NACC2: variants seen among roughly 807,000 people sequenced by gnomAD.
NACC2 encodes nucleus accumbens-associated protein 2.
Under a neutral mutation model 25.1 loss-of-function variants are expected in NACC2, and 8 were observed. The observed-to-expected ratio is 0.32, with a 90% confidence interval of 0.19 to 0.57. NACC2 has a LOEUF of 0.57. NACC2 is among the 20% of genes least tolerant of loss of function. The probability of loss-of-function intolerance (pLI) is 0.89; values close to 1 mark genes in which losing one functional copy is unlikely to be tolerated. For missense variants in NACC2, 644 were observed against 650.2 expected (o/e 0.99, Z 0.10); for synonymous variants, 435 against 294.7 (o/e 1.48, Z -4.88).
intron 2 of NACC2, among the ~76,000 whole-genome samples, chr9:136,023,792 C>T (rs557658517): frequency 1.3e-5 from 2 of 152,374 alleles, no homozygotes; most frequent in African/African-American, 4.8e-5. Context: ...TATCACAGCA[C>T]ATGGCACGGG....
At chr9:136,056,450 G>A (rs1032020094) in intron 1 of NACC2, among the ~76,000 whole-genome samples, 9 of 152,334 alleles carry the variant, frequency 5.9e-5, no homozygotes, top group African/African-American at 1.7e-4. Context: ...GGGAGGCAGC[G>A]GGGCCAGGCC....
intron 2 of NACC2, among the ~76,000 whole-genome samples, chr9:136,030,168 C>G (rs1247860914): frequency 1.3e-5 from 2 of 152,164 alleles, no homozygotes; most frequent in African/African-American, 4.8e-5. Context: ...AGACACCACA[C>G]CCAGCCCTTC....
chr9:136,077,228 G>C (rs1211448005), intron 1 of NACC2, among the ~76,000 whole-genome samples: 1 of 151,962 alleles, frequency 6.6e-6, no homozygotes, highest in East Asian at 1.9e-4. Flanking sequence ...CCACTTGGGA[G>C]GCTGAGGCAG....
intron 2 of NACC2, among the ~76,000 whole-genome samples, chr9:136,041,095 A>AAAGGAAAGCAAGG (rs1554738674): frequency 6.8e-6 from 1 of 146,460 alleles, no homozygotes; most frequent in East Asian, 2.0e-4. Flanking sequence ...GAAGCAAAGG[A>AAAGGAAAGCAAGG]AAGGAAAGGA....
intron 2 of NACC2, among the ~76,000 whole-genome samples, chr9:136,033,199 A>G (rs965997079): frequency 1.1e-4 from 17 of 152,016 alleles, no homozygotes; most frequent in Non-Finnish European, 2.2e-4. Context: ...AATAAAATAA[A>G]ATAAAATTCA....
At position 136,042,895 on chromosome 9, in the gene NACC2, C is replaced by G. The variant is rs1368961338; in HGVS notation, c.886+6741G>C. On this transcript the variant is annotated intron_variant, in intron 2 of 5. Coordinates refer to ENST00000277554, the MANE Select transcript of NACC2 (RefSeq NM_144653.5). Reference sequence around the variant, plus strand: ...AAACAGACACACACACAGACACATACAGACACACACAGAGACACAGAGACA... The same window carrying G: ...AAACAGACACACACACAGACACATAGAGACACACACAGAGACACAGAGACA... Among the ~76,000 whole-genome samples the G allele has an allele frequency of 2.7e-5, 4 of 147,058 alleles. No homozygotes were observed. In the East Asian group the frequency reaches 8.0e-4, roughly 29 times the overall value.
rs978723036 is a variant in NACC2 at position 136,016,518 on chromosome 9, G to T, written c.887-89C>A. The T allele has an allele frequency of 3.3e-6, 5 of 1,516,184 alleles. No homozygotes were observed. In the Admixed American group the frequency reaches 5.3e-5, roughly 16 times the overall value. The allele number at this position is 1,516,184 out of a possible 1,614,324, so 93.9% of individuals were successfully genotyped here. On this transcript the variant is annotated intron_variant, in intron 2 of 5. Transcript: ENST00000277554. ...CCGCCTGCCCTCCATGCTCCCTGGG[G>T]CCTGTGTTAGACCCACTCTGCCCAC...
At chr9:136,047,700 C>T (rs1378756554) in intron 2 of NACC2, among the ~76,000 whole-genome samples, 1 of 152,190 alleles carries the variant, frequency 6.6e-6, no homozygotes, top group African/African-American at 2.4e-5. Context: ...CCTCCCGTCC[C>T]CACCCAACAC....
At chr9:136,081,311 C>T (rs1037929052) in intron 1 of NACC2, among the ~76,000 whole-genome samples, 5 of 152,126 alleles carry the variant, frequency 3.3e-5, no homozygotes, top group Non-Finnish European at 5.9e-5. Flanking sequence ...GTAACCGGAA[C>T]GACCTGCACA....
rs777924546 is a variant in NACC2 at position 136,011,806 on chromosome 9, C to T, written c.1474G>A (p.Glu492Lys). 55 of 1,580,850 alleles carry T rather than the reference C, an allele frequency of 3.5e-5. No homozygotes were observed. Among genetic ancestry groups the T allele is most frequent in the South Asian group, 4.6e-5 (4 of 87,664 alleles). Reference sequence around the variant, plus strand: ...CGCCGCTCGGCGTAGATGCGTTGCTCGAACACCTGTGCCGCGGCAGGCGGG... The same window carrying T: ...CGCCGCTCGGCGTAGATGCGTTGCTTGAACACCTGTGCCGCGGCAGGCGGG... The part of the protein sequence containing the change: ...EFPPAAAQVF[E>K]QRIYAERRGD... Residue 492 changes from glutamate (E) to lysine (K), a missense_variant, in exon 6 of 6, where the codon GAG (glutamate) becomes AAG (lysine). Physicochemically the swap from Glu to Lys is moderately conservative, Grantham distance 56. Coordinates refer to ENST00000277554, the MANE Select transcript of NACC2 (RefSeq NM_144653.5).
chr9:136,013,177 C>CCCA lies in NACC2; in HGVS notation c.1255+21_1255+22insTGG. 1.0e-5 allele frequency: 15 copies of CCCA among 1,487,336 alleles called. No individual in the cohort carries two copies. The highest frequency in any genetic ancestry group is 1.3e-5 in the Non-Finnish European group (14 of 1,071,752). 92.1% of individuals were successfully genotyped at this position (1,487,336 alleles called of 1,614,324 possible). ...GAACCCAGCCCCGGCCCCACCCACC[C>CCCA]GAGAGACCCCCAGGCTCTTACATTT... is the stretch of plus-strand genomic sequence containing the variant. On this transcript the variant is annotated intron_variant, in intron 5 of 5. Transcript: ENST00000277554. The surrounding 1 kb of genome is among the most constrained non-coding windows in gnomAD (Gnocchi z 6.6).
intron 2 of NACC2, among the ~76,000 whole-genome samples, chr9:136,031,676 AAC>A (rs1206760347): frequency 6.6e-6 from 1 of 152,212 alleles, no homozygotes; most frequent in Non-Finnish European, 1.5e-5. Flanking sequence ...AGAACAAGAA[AAC>A]ACAGAACTTT....
At chr9:136,043,582 G>A (rs1214730388) in intron 2 of NACC2, among the ~76,000 whole-genome samples, 2 of 152,202 alleles carry the variant, frequency 1.3e-5, no homozygotes, top group Middle Eastern at 3.2e-3. Context: ...CATGACACAC[G>A]GAAATATACA....
rs1840203694 is a variant in NACC2 at position 136,016,368 on chromosome 9, G to A, written c.948C>T (p.Asp316=). The change falls in exon 3 of 6, where the codon GAC becomes GAT. Residue 316 remains aspartate (D), a synonymous_variant. Transcript: ENST00000277554. ...ESRSCVLIRR[D]LVALPASLIS... is the part of the protein sequence containing the mutation. ...TGAGGCTGGCAGGTAGGGCCACGAG[G>A]TCGCGGCGGATGAGGACGCAGGAGC... is the stretch of plus-strand genomic sequence containing the variant. The A allele has an allele frequency of 6.2e-7, 1 of 1,611,938 alleles. No individual in the cohort carries two copies. The highest frequency in any genetic ancestry group is 2.0e-4 in the Middle Eastern group (1 of 5,016).
chr9:136,058,863 A>G (rs1840968150), intron 1 of NACC2, among the ~76,000 whole-genome samples: 1 of 152,234 alleles, frequency 6.6e-6, no homozygotes, highest in African/African-American at 2.4e-5. Flanking sequence ...AGCTCAAGCC[A>G]TGGAGGGGAC....
At chr9:136,045,732 AC>A (rs1318323567) in intron 2 of NACC2, among the ~76,000 whole-genome samples, 1 of 151,398 alleles carries the variant, frequency 6.6e-6, no homozygotes, top group African/African-American at 2.4e-5. Context: ...GACAACGGCC[AC>A]CCCCACTCAA....
intron 2 of NACC2, among the ~76,000 whole-genome samples, chr9:136,036,161 C>T (rs887566796): frequency 1.3e-5 from 2 of 152,156 alleles, no homozygotes; most frequent in East Asian, 1.9e-4. Context: ...ACTCACTCTG[C>T]GAAGAAGTGG....
chr9:136,082,110 C>T (rs966233221), intron 1 of NACC2, among the ~76,000 whole-genome samples: 4 of 152,166 alleles, frequency 2.6e-5, no homozygotes, highest in Non-Finnish European at 4.4e-5. Flanking sequence ...CACGACCTGC[C>T]GGGGCCCTGG....
chr9:136,088,313 T>A (rs1446154164), intron 1 of NACC2, among the ~76,000 whole-genome samples: 1 of 152,130 alleles, frequency 6.6e-6, no homozygotes, highest in Non-Finnish European at 1.5e-5. Flanking sequence ...GGGGACACAC[T>A]GTACTCAGCA....
Sources: gnomAD v4.1 joint callset for allele counts (sites outside exome capture counted in the v4.1 genomes callset) on GRCh38, gnomAD v4.1.1 for gene constraint, Gnocchi (gnomAD v3.1) non-coding constraint, MANE v1.5 for transcripts, NCBI Gene and HGNC (gene_info 2026-07-23, HGNC 2026-07-21) for gene names.